ROBO1: variants seen among roughly 807,000 people sequenced by gnomAD.
ROBO1 encodes roundabout homolog 1.
In ROBO1, 149 loss-of-function variants were observed where a neutral mutation model predicts 195.9. The observed-to-expected ratio is 0.76, with a 90% CI of 0.67 to 0.87. The LOEUF (loss-of-function observed/expected upper bound fraction) is 0.87, where lower values mean the gene tolerates loss of function less well. Ranked by LOEUF, ROBO1 falls within the 40% of genes least tolerant of loss-of-function variation. ROBO1 has a pLI of 0.00. For synonymous variants in ROBO1, 816 were observed against 733.2 expected, an observed-to-expected ratio of 1.11 and a Z score of -1.82; for missense variants, 1,933 against 2,068.3, an observed-to-expected ratio of 0.93 and a Z score of 1.27.
chr3:78,885,831 A>G (rs1482500117), intron 4 of ROBO1, among the ~76,000 whole-genome samples: 1 of 149,934 alleles, frequency 6.7e-6, no homozygotes, highest in Non-Finnish European at 1.5e-5. Context: ...AATTATGTTC[A>G]TACAACCCTG....
intron 3 of ROBO1, among the ~76,000 whole-genome samples, chr3:79,105,276 T>C (rs777714436): frequency 2.0e-4 from 30 of 151,746 alleles, no homozygotes; most frequent in Non-Finnish European, 3.7e-4. Flanking sequence ...AAAAGAACCA[T>C]GAGTGTAAGG....
intron 1 of ROBO1, among the ~76,000 whole-genome samples, chr3:79,635,332 G>T (rs1181357585): frequency 1.3e-5 from 2 of 151,974 alleles, no homozygotes; most frequent in East Asian, 3.9e-4. Context: ...TTTCCAACAG[G>T]GTGTATAAGA....
rs959081446 is a variant in ROBO1, at chr3:79,207,121, GA to G, written c.89-81583del. Among the ~76,000 whole-genome samples, 49 of 151,930 alleles carry G rather than the reference GA, an allele frequency of 3.2e-4. 1 individual carries two copies. In the East Asian group the frequency reaches 3.9e-3, roughly 12 times the overall value. The stretch of plus-strand genomic sequence containing the variant: ...CTCATTTAAAGTAAATGAACAATGA[GA>G]AAAAAAAGTGTAAAATTGTTGTTAA... On this transcript the variant is annotated intron_variant, in intron 2 of 30. Coordinates refer to ENST00000464233, the MANE Select transcript of ROBO1 (RefSeq NM_002941.4).
intron 3 of ROBO1, among the ~76,000 whole-genome samples, chr3:79,021,729 C>T (rs2078107108): frequency 6.8e-6 from 1 of 147,940 alleles, no homozygotes; most frequent in Admixed American, 6.8e-5. Context: ...GGCGCGATCT[C>T]GGCTCACTGC....
intron 22 of ROBO1, 45 bp from the exon 23 acceptor site, chr3:78,636,153 T>C: frequency 7.2e-7 from 1 of 1,385,416 alleles, no homozygotes; most frequent in South Asian, 1.4e-5. Context: ...TCTGCGTGGT[T>C]ATTCCTTTTA....
chr3:79,160,234 ATGTGTG>A (rs142663481), intron 2 of ROBO1, among the ~76,000 whole-genome samples: 3 of 148,288 alleles, frequency 2.0e-5, no homozygotes, highest in African/African-American at 2.5e-5. Context: ...CTTTAAAAAA[ATGTGTG>A]TGTGTGTGTG....
chr3:79,276,325 A>G (rs763464888), intron 2 of ROBO1, among the ~76,000 whole-genome samples: 2 of 151,984 alleles, frequency 1.3e-5, no homozygotes, highest in Non-Finnish European at 2.9e-5. Flanking sequence ...TCATACATCT[A>G]CACTCAACTC....
chr3:79,374,831 T>C (rs911019645), intron 2 of ROBO1, among the ~76,000 whole-genome samples: 1 of 103,896 alleles, frequency 9.6e-6, no homozygotes, highest in Non-Finnish European at 2.1e-5. Flanking sequence ...ATAGTTGGGC[T>C]TGTATTCCAT....
chr3:78,620,881 A>ATGTGTGTG (rs778171914), intron 26 of ROBO1, among the ~76,000 whole-genome samples: 442 of 27,590 alleles, frequency 0.016, 2 homozygotes, highest in African/African-American at 0.031. Flanking sequence ...TTATATATAT[A>ATGTGTGTG]TATGTGTGTG....
chr3:78,832,099 A>AT (rs1188946969), intron 4 of ROBO1, among the ~76,000 whole-genome samples: 2 of 152,104 alleles, frequency 1.3e-5, no homozygotes, highest in East Asian at 1.9e-4. Context: ...TAATTTTATT[A>AT]TTTTTTTCTA....
intron 3 of ROBO1, among the ~76,000 whole-genome samples, chr3:79,108,804 G>C (rs779611746): frequency 2.6e-5 from 4 of 151,850 alleles, no homozygotes; most frequent in African/African-American, 4.8e-5. Flanking sequence ...ATTTGGCTCA[G>C]TACAGTTCTT....
intron 10 of ROBO1, among the ~76,000 whole-genome samples, chr3:78,676,121 T>C (rs1006699232): frequency 1.3e-5 from 2 of 152,188 alleles, no homozygotes; most frequent in African/African-American, 4.8e-5. Flanking sequence ...GGGTCCTGTC[T>C]GTTAGAAGGA....
intron 2 of ROBO1, among the ~76,000 whole-genome samples, chr3:79,142,295 G>A (rs1398940745): frequency 2.0e-5 from 3 of 152,066 alleles, no homozygotes; most frequent in African/African-American, 7.2e-5. Context: ...GGGCACCAAT[G>A]TTTTTGGCTG....
At chr3:78,869,150 T>G (rs1187276375) in intron 4 of ROBO1, among the ~76,000 whole-genome samples, 1 of 152,136 alleles carries the variant, frequency 6.6e-6, no homozygotes, top group Non-Finnish European at 1.5e-5. Flanking sequence ...GAAGTTTAAC[T>G]ATTTACCTTA....
chr3:78,927,614 A>T (rs1344017548), intron 4 of ROBO1, among the ~76,000 whole-genome samples: 1 of 152,226 alleles, frequency 6.6e-6, no homozygotes, highest in Non-Finnish European at 1.5e-5. Context: ...TAACTGCCAA[A>T]ATAATAATTC....
chr3:79,722,608 C>G (rs1702751800), intron 1 of ROBO1, among the ~76,000 whole-genome samples: 1 of 152,200 alleles, frequency 6.6e-6, no homozygotes, highest in Non-Finnish European at 1.5e-5. Context: ...TTCACTCAGT[C>G]AAAGATAATC....
intron 2 of ROBO1, among the ~76,000 whole-genome samples, chr3:79,300,576 A>T (rs1473574910): frequency 6.6e-6 from 1 of 152,120 alleles, no homozygotes; most frequent in Admixed American, 6.5e-5. Context: ...GCCCAGTCCC[A>T]TCGACCACCC....
intron 14 of ROBO1, among the ~76,000 whole-genome samples, chr3:78,662,693 T>C (rs980285354): frequency 6.6e-5 from 10 of 152,166 alleles, no homozygotes; most frequent in Non-Finnish European, 1.3e-4. Flanking sequence ...AGCAAGGAAG[T>C]AAAATAAAAT....
At position 79,100,509 on chromosome 3, in the gene ROBO1, G is replaced by A. The variant is rs143485143; in HGVS notation, c.172+24947C>T. On this transcript the variant is annotated intron_variant, in intron 3 of 30. Coordinates refer to ENST00000464233, the MANE Select transcript of ROBO1 (RefSeq NM_002941.4). ...GACACAATAGCCAGCCCAAGAGCAC[G>A]GGAATCAATTAAAAAAAACTGCAAA... Among the ~76,000 whole-genome samples the A allele has an allele frequency of 5.3e-5, 8 of 151,736 alleles. No homozygotes were observed. The East Asian group carries it at 7.8e-4, about 15-fold the overall frequency.
Sources: gnomAD v4.1 joint callset for allele counts (sites outside exome capture counted in the v4.1 genomes callset) on GRCh38, gnomAD v4.1.1 for gene constraint, MANE v1.5 for transcripts, NCBI Gene and HGNC (gene_info 2026-07-23, HGNC 2026-07-21) for gene names.